The following DLL1 variants were observed in gnomAD, a reference collection of about 807,000 sequenced individuals.
The protein encoded by DLL1 is delta-like protein 1.
Under a neutral mutation model 75.1 loss-of-function variants are expected in DLL1, and 9 were observed. That is an observed-to-expected ratio of 0.12 (90% CI 0.07 to 0.21). DLL1 has a LOEUF of 0.21. Among genes scored for constraint, DLL1 ranks in the 10% least tolerant of loss-of-function variants. The pLI, the probability that DLL1 is intolerant of heterozygous loss-of-function variation, is 1.00. For missense variants in DLL1, 837 were observed against 1,007.6 expected (o/e 0.83, Z 2.29); for synonymous variants, 477 against 418.3 (o/e 1.14, Z -1.71).
chr6:170,290,944 C>T lies in DLL1; in HGVS notation c.-805G>A, dbSNP rs1469874304. 1.9e-5 allele frequency: 13 copies of T among 699,716 alleles called. No homozygotes were observed. The highest frequency in any genetic ancestry group is 2.1e-5 in the Non-Finnish European group (8 of 383,452). The allele number at this position is 699,716 out of a possible 1,614,324, so 43.3% of individuals were successfully genotyped here. On this transcript the variant is annotated 5_prime_UTR_variant, in exon 1 of 11. Coordinates refer to ENST00000366756, the MANE Select transcript of DLL1 (RefSeq NM_005618.4). The surrounding 1 kb of genome is among the most constrained non-coding windows in gnomAD (Gnocchi z 4.7). The stretch of plus-strand genomic sequence containing the variant: ...CAGAGGATCTGGCTCTCGCCGGCGC[C>T]TGCCGCCCTTATATTCAGCCGGCCG...
rs1232708194 is a variant in DLL1 at position 170,284,773 on chromosome 6, A to G, written c.1249+146T>C. On this transcript the variant is annotated intron_variant, in intron 8 of 10. Transcript: ENST00000366756. ...CATTCCCCAGGCCTTTCCAGACTCA[A>G]AGATAGAGTTTCCATCGAGAATTCC... is the stretch of plus-strand genomic sequence containing the variant. 3.4e-6 allele frequency: 3 copies of G among 881,782 alleles called. No homozygotes were observed. The African/African-American group carries it at 5.0e-5, about 15-fold the overall frequency. 54.6% of individuals were successfully genotyped at this position (881,782 alleles called of 1,614,324 possible).
At chr6:170,289,065 T>C in intron 2 of DLL1, 1 of 576,540 alleles carries the variant, frequency 1.7e-6, no homozygotes, top group Non-Finnish European at 3.1e-6. Context: ...AGAGAGAGAA[T>C]GCAGGCAGGA....
Position 170,288,160 on chromosome 6 carries a change from G to T in DLL1, c.670+79C>A, listed in dbSNP as rs780277783. The T allele has an allele frequency of 1.9e-6, 3 of 1,604,076 alleles. No homozygotes were observed. The African/African-American group carries it at 4.0e-5, about 21-fold the overall frequency. On this transcript the variant is annotated intron_variant, in intron 4 of 10. Coordinates refer to ENST00000366756, the MANE Select transcript of DLL1 (RefSeq NM_005618.4). ...ACATCTCTACAGTCCCAAGCCCCCC[G>T]TGGCTCAGGAAGCCCCGTCCCTGCG...
At position 170,283,921 on chromosome 6, in the gene DLL1, G is replaced by A. The variant is rs1456104967; in HGVS notation, c.1358C>T (p.Ala453Val). ...NVDDCASSPC[A>V]NGGTCRDGVN... ...GCCATCCCGGCAGGTGCCCCCGTTGGCGCACGGGGAGGAGGCGCAGTCGTC... is the reference window on the plus strand; with the variant it reads ...GCCATCCCGGCAGGTGCCCCCGTTGACGCACGGGGAGGAGGCGCAGTCGTC... Residue 453 changes from alanine (A) to valine (V), a missense_variant, in exon 9 of 11, where the codon GCC (alanine) becomes GTC (valine). Around this residue, in one of 2 missense-constraint regions of DLL1, gnomAD observed 533 missense variants for 545.7 expected, o/e 0.98. Transcript: ENST00000366756. 1.2e-6 allele frequency: 2 copies of A among 1,600,872 alleles called. No homozygotes were observed. Among genetic ancestry groups the A allele is most frequent in the Non-Finnish European group, 8.5e-7 (1 of 1,176,768 alleles).
Position 170,283,406 on chromosome 6 carries a change from G to A in DLL1, c.1873C>T (p.His625Tyr). The A allele has an allele frequency of 6.2e-7, 1 of 1,610,214 alleles. No homozygotes were observed. The highest frequency in any genetic ancestry group is 1.3e-5 in the African/African-American group (1 of 75,052). Residue 625 changes from histidine (H) to tyrosine (Y), a missense_variant, in exon 9 of 11, where the codon CAC becomes TAC. Physicochemically the swap from His to Tyr is moderately conservative, Grantham distance 83. This residue lies in a region of DLL1 where 533 missense variants were observed against 545.7 expected (regional missense o/e 0.98). Coordinates refer to ENST00000366756, the MANE Select transcript of DLL1 (RefSeq NM_005618.4). ...TNKKADFHGD[H>Y]SADKNGFKAR... ...TTGAAGCCATTCTTGTCGGCGCTGT[G>A]GTCCCCGTGGAAGTCCGCCTTCTTG... is the stretch of plus-strand genomic sequence containing the variant.
chr6:170,284,482 TTGC>T (rs1783651555), intron 8 of DLL1, among the ~76,000 whole-genome samples: 1 of 152,196 alleles, frequency 6.6e-6, no homozygotes, highest in Non-Finnish European at 1.5e-5. Context: ...CCAGCTCTCC[TTGC>T]TGTGTGTCTC....
chr6:170,285,065 A>G lies in DLL1; in HGVS notation c.1103T>C (p.Met368Thr). ...FYGKICELSAMTCADGPCFNG... is the reference protein window; with the variant it reads ...FYGKICELSATTCADGPCFNG... ...AAAGCAAGGGCCGTCCGCACAGGTC[A>G]TGGCACTCAATTCACAGATTTTGCC... Residue 368 changes from methionine (M) to threonine (T), a missense_variant, in exon 8 of 11, where the codon ATG becomes ACG. Transcript: ENST00000366756. The G allele has an allele frequency of 6.2e-7, 1 of 1,614,186 alleles. No individual in the cohort carries two copies. Among genetic ancestry groups the G allele is most frequent in the Non-Finnish European group, 8.5e-7 (1 of 1,180,032 alleles).
chr6:170,284,897 C>T (rs367960918), intron 8 of DLL1, 22 bp downstream of exon 8: 1 of 1,611,744 alleles, frequency 6.2e-7, no homozygotes, highest in Non-Finnish European at 8.5e-7. Flanking sequence ...AGTCTCTGAG[C>T]AATCACCAGC....
rs566032106 is a variant in DLL1, at chr6:170,286,726, G to A, written c.671-428C>T. Among the ~76,000 whole-genome samples the A allele has an allele frequency of 2.0e-4, 30 of 152,126 alleles. No individual in the cohort carries two copies. In the South Asian group the frequency reaches 5.6e-3, roughly 28 times the overall value. On this transcript the variant is annotated intron_variant, in intron 4 of 10. Coordinates refer to ENST00000366756, the MANE Select transcript of DLL1 (RefSeq NM_005618.4). ...AGCTGCTCCATTGTCTGTCCTCCAC[G>A]GCAGCTGCCCCAGCGCAACAATGCC...
At chr6:170,286,527 C>A (rs990562485) in intron 4 of DLL1, among the ~76,000 whole-genome samples, 2 of 152,134 alleles carry the variant, frequency 1.3e-5, no homozygotes, top group African/African-American at 4.8e-5. Context: ...AAAGGGCTCT[C>A]GGAAGCCCCC....
At chr6:170,287,384 C>A (rs1783726632) in intron 4 of DLL1, among the ~76,000 whole-genome samples, 2 of 152,164 alleles carry the variant, frequency 1.3e-5, no homozygotes, top group Admixed American at 1.3e-4. Flanking sequence ...CAGGACCTAC[C>A]CAATCCCCAG....
intron 2 of DLL1, 197 bp downstream of exon 2, chr6:170,289,315 G>T: frequency 1.1e-6 from 1 of 921,594 alleles, no homozygotes; most frequent in Non-Finnish European, 1.6e-6. Flanking sequence ...CCTCCTGCAG[G>T]CCGCGGGGCC....
rs1783581784 is a variant in DLL1, at chr6:170,282,627, C to A, written c.*247G>T. On this transcript the variant is annotated 3_prime_UTR_variant, in exon 11 of 11. Coordinates refer to ENST00000366756, the MANE Select transcript of DLL1 (RefSeq NM_005618.4). The stretch of plus-strand genomic sequence containing the variant: ...CAGTTCACCCATTTAAATATATATT[C>A]TCTTAAGAGCAACTGTCCATAGTGC... 7 of 610,140 alleles carry A rather than the reference C, an allele frequency of 1.1e-5. No individual in the cohort carries two copies. The highest frequency in any genetic ancestry group is 1.7e-5 in the Non-Finnish European group (6 of 343,346). The allele number at this position is 610,140 out of a possible 1,614,324, so 37.8% of individuals were successfully genotyped here.
intron 8 of DLL1, 124 bp downstream of exon 8, chr6:170,284,795 T>C (rs1783658152): frequency 9.9e-7 from 1 of 1,006,924 alleles, no homozygotes; most frequent in South Asian, 1.3e-5. Context: ...CCATCGAGAA[T>C]TCCTGGCGGT....
At position 170,290,272 on chromosome 6, in the gene DLL1, AC is replaced by A; in HGVS notation, c.-134del. ...CCCTTGCCTCGCCCCAGACCGCAGG[AC>A]CCAGGACTTCTTTCTTTAAAAGCCG... On this transcript the variant is annotated 5_prime_UTR_variant, in exon 1 of 11. Coordinates refer to ENST00000366756, the MANE Select transcript of DLL1 (RefSeq NM_005618.4). The surrounding 1 kb of genome is among the most constrained non-coding windows in gnomAD (Gnocchi z 4.7). 2 of 960,270 alleles carry A rather than the reference AC, an allele frequency of 2.1e-6. No individual in the cohort carries two copies. Among genetic ancestry groups the A allele is most frequent in the Non-Finnish European group, 2.9e-6 (2 of 684,518 alleles). The allele number at this position is 960,270 out of a possible 1,614,324, so 59.5% of individuals were successfully genotyped here. A position where few individuals can be genotyped will look rare whatever the true frequency, so the allele number is the denominator to read the frequency against.
At position 170,282,927 on chromosome 6, in the gene DLL1, G is replaced by A. The variant is rs201433911; in HGVS notation, c.2167-48C>T. The A allele has an allele frequency of 6.2e-5, 100 of 1,614,214 alleles. 1 individual carries two copies. The highest frequency in any genetic ancestry group is 1.1e-4 in the African/African-American group (8 of 75,060). ...GGAAGTTAGCCTGAGACCGATTCCC[G>A]TGCTCCAGCTTCAGGTGCTCCCATG... On this transcript the variant is annotated intron_variant, in intron 10 of 10. Transcript: ENST00000366756.
At position 170,285,314 on chromosome 6, in the gene DLL1, G is replaced by T; in HGVS notation, c.972C>A (p.Thr324=). 1 of 1,614,198 alleles carries T rather than the reference G, an allele frequency of 6.2e-7. No individual in the cohort carries two copies. Among genetic ancestry groups the T allele is most frequent in the Admixed American group, 1.7e-5 (1 of 60,030 alleles). Residue 324 remains threonine (T), a synonymous_variant, in exon 7 of 11, where the codon ACC becomes ACA. Transcript: ENST00000366756. ...CSCRPGYTGA[T]CELGIDECDP... is the part of the protein sequence containing the mutation. The stretch of plus-strand genomic sequence containing the variant: ...CACACTCGTCAATCCCCAGCTCGCA[G>T]GTGGCACCTGTGTACCCAGGCCGGC...
rs560419524 is a variant in DLL1, at chr6:170,290,859, C to T, written c.-720G>A. Reference sequence around the variant, plus strand: ...GGCCGTGGGAGGAGGCTCTGCGCCGCGGCTGCCCGGGTTCCCCTGCGCTCT... The same window carrying T: ...GGCCGTGGGAGGAGGCTCTGCGCCGTGGCTGCCCGGGTTCCCCTGCGCTCT... On this transcript the variant is annotated 5_prime_UTR_variant, in exon 1 of 11. Transcript: ENST00000366756. This position sits in a 1 kb window ranked among gnomAD's most constrained non-coding sequence, Gnocchi z 4.7. The T allele has an allele frequency of 1.7e-5, 11 of 658,290 alleles. No homozygotes were observed. The African/African-American group carries it at 1.8e-4, about 11-fold the overall frequency. The allele number at this position is 658,290 out of a possible 1,614,324, so 40.8% of individuals were successfully genotyped here. A position where few individuals can be genotyped will look rare whatever the true frequency, so the allele number is the denominator to read the frequency against.
At position 170,285,676 on chromosome 6, in the gene DLL1, C is replaced by A; in HGVS notation, c.755G>T (p.Arg252Leu). ...ATAGCGGATACACTCGTCACAGTAC[C>A]GGCCCTGCCAGCCCACTCTGCACCT... Reference protein sequence around the residue: ...ECKCRVGWQGRYCDECIRYPG... With the variant: ...ECKCRVGWQGLYCDECIRYPG... The change falls in exon 6 of 11, where the codon CGG (arginine) becomes CTG (leucine). Residue 252 changes from arginine to leucine, a missense_variant. Arg to Leu is a moderately radical substitution (Grantham distance 102, BLOSUM62 -2). This residue lies in a region of DLL1 where 304 missense variants were observed against 461.9 expected (regional missense o/e 0.66). Transcript: ENST00000366756. 1.2e-6 allele frequency: 2 copies of A among 1,614,102 alleles called. No individual in the cohort carries two copies. The highest frequency in any genetic ancestry group is 1.7e-6 in the Non-Finnish European group (2 of 1,180,030).
Sources: allele counts gnomAD v4.1 joint callset (sites outside exome capture counted in the v4.1 genomes callset), GRCh38; gene constraint gnomAD v4.1.1; regional missense constraint gnomAD v4.1.1; non-coding constraint Gnocchi (gnomAD v3.1); transcripts MANE v1.5; gene names NCBI Gene and HGNC (gene_info 2026-07-23, HGNC 2026-07-21).